The following PRKAR1B variants were observed in gnomAD, a reference collection of about 807,000 sequenced individuals.
The protein encoded by PRKAR1B is cAMP-dependent protein kinase type I-beta regulatory subunit.
Under a neutral mutation model 46.5 loss-of-function variants are expected in PRKAR1B, and 22 were observed. That is an observed-to-expected ratio of 0.47 (90% CI 0.34 to 0.68). PRKAR1B has a LOEUF of 0.68. PRKAR1B is among the 30% of genes least tolerant of loss of function. The pLI, the probability that PRKAR1B is intolerant of heterozygous loss-of-function variation, is 0.01. For synonymous variants in PRKAR1B, 259 were observed against 217.7 expected (o/e 1.19, Z -1.67); for missense variants, 445 against 535.6 (o/e 0.83, Z 1.67).
At chr7:658,345 G>A (rs1323955425) in intron 4 of PRKAR1B, among the ~76,000 whole-genome samples, 3 of 152,252 alleles carry the variant, frequency 2.0e-5, no homozygotes, top group African/African-American at 7.2e-5. Flanking sequence ...TGAGGCAGGA[G>A]GATCACTGGA....
In PRKAR1B at chr7:711,447, A is replaced by G; in HGVS notation, c.59T>C (p.Leu20Pro). ...EEDESLKGCE[L>P]YVQLHGIQQV... Reference sequence around the variant, plus strand: ...CTGGATCCCGTGCAGCTGCACGTACAGCTCACAGCCCTTCAGGCTCTCGTC... The same window carrying G: ...CTGGATCCCGTGCAGCTGCACGTACGGCTCACAGCCCTTCAGGCTCTCGTC... Residue 20 changes from leucine to proline, a missense_variant, in exon 2 of 11, where the codon CTG (leucine) becomes CCG (proline). Leu to Pro is a moderately conservative substitution (Grantham distance 98, BLOSUM62 -3). Around this residue, in one of 5 missense-constraint regions of PRKAR1B, gnomAD observed 155 missense variants for 127.5 expected, o/e 1.22. Coordinates refer to ENST00000537384, the MANE Select transcript of PRKAR1B (RefSeq NM_001164760.2). The G allele has an allele frequency of 6.2e-7, 1 of 1,614,190 alleles. No individual in the cohort carries two copies. Among genetic ancestry groups the G allele is most frequent in the Non-Finnish European group, 8.5e-7 (1 of 1,180,016 alleles).
At chr7:720,236 T>G (rs1277646009) in intron 1 of PRKAR1B, among the ~76,000 whole-genome samples, 3 of 152,084 alleles carry the variant, frequency 2.0e-5, no homozygotes, top group Admixed American at 6.6e-5. Flanking sequence ...TTTTGCATTT[T>G]TAGTAAAGAC....
At chr7:617,804 G>C (rs1782912980) in intron 4 of PRKAR1B, among the ~76,000 whole-genome samples, 1 of 152,190 alleles carries the variant, frequency 6.6e-6, no homozygotes, top group Admixed American at 6.5e-5. Context: ...AGGTCGGACG[G>C]AAAGCAAACC....
chr7:668,416 G>A (rs1166819343), intron 4 of PRKAR1B, among the ~76,000 whole-genome samples: 1 of 152,196 alleles, frequency 6.6e-6, no homozygotes, highest in African/African-American at 2.4e-5. Context: ...CCGGTTTCCT[G>A]AGCCATCAGC....
chr7:712,180 G>A (rs1040433100), intron 1 of PRKAR1B, among the ~76,000 whole-genome samples: 171 of 144,974 alleles, frequency 1.2e-3, no homozygotes, highest in Admixed American at 0.012. Flanking sequence ...CGCCGCCCCC[G>A]GAGTGCCCAG....
intron 4 of PRKAR1B, among the ~76,000 whole-genome samples, chr7:633,127 G>A (rs564627111): frequency 4.9e-4 from 74 of 152,332 alleles, no homozygotes; most frequent in Non-Finnish European, 9.6e-4. Flanking sequence ...AACCCTTCAC[G>A]CTGTCAAAAT....
intron 9 of PRKAR1B, among the ~76,000 whole-genome samples, chr7:576,678 C>G (rs1426451088): frequency 6.6e-6 from 1 of 151,642 alleles, no homozygotes; most frequent in Non-Finnish European, 1.5e-5. Context: ...CTCCCGGCAT[C>G]TCGGATGCCC....
chr7:636,407 ACCGGCCGCGC>A (rs1784097419), intron 4 of PRKAR1B, among the ~76,000 whole-genome samples: 1 of 68,266 alleles, frequency 1.5e-5, no homozygotes. Flanking sequence ...CACGTCCTCC[ACCGGCCGCGC>A]CCACACGTCC....
At chr7:650,423 G>T (rs1210116744) in intron 4 of PRKAR1B, among the ~76,000 whole-genome samples, 1 of 151,954 alleles carries the variant, frequency 6.6e-6, no homozygotes, top group Non-Finnish European at 1.5e-5. Context: ...ACCACGAAAG[G>T]CTCTTTCCAG....
In PRKAR1B at chr7:560,744, G is replaced by A. The variant is rs186045332; in HGVS notation, c.892-9274C>T. Among the ~76,000 whole-genome samples the A allele has an allele frequency of 3.3e-4, 50 of 152,338 alleles. No homozygotes were observed. The highest frequency in any genetic ancestry group is 8.9e-4 in the African/African-American group (37 of 41,572). On this transcript the variant is annotated intron_variant, in intron 9 of 10. Transcript: ENST00000537384. The surrounding 1 kb of genome is among the most constrained non-coding windows in gnomAD (Gnocchi z 4.2). ...ACAACGCCAACCAATGCTACAGAGCGGCGGTGAGGCCAGATTACCCCAGCT... is the reference window on the plus strand; with the variant it reads ...ACAACGCCAACCAATGCTACAGAGCAGCGGTGAGGCCAGATTACCCCAGCT...
intron 9 of PRKAR1B, among the ~76,000 whole-genome samples, chr7:576,368 C>T (rs1025105886): frequency 1.3e-5 from 2 of 152,362 alleles, no homozygotes; most frequent in East Asian, 1.9e-4. Context: ...TCCTTCTCTC[C>T]TTTTAAAGAA....
chr7:632,767 G>A (rs561929853), intron 4 of PRKAR1B, among the ~76,000 whole-genome samples: 12 of 152,298 alleles, frequency 7.9e-5, no homozygotes, highest in Admixed American at 3.9e-4. Context: ...CCAGCCACAC[G>A]TGATACAAGC....
intron 4 of PRKAR1B, among the ~76,000 whole-genome samples, chr7:612,887 C>G (rs1235416035): frequency 6.6e-6 from 1 of 152,132 alleles, no homozygotes. Context: ...TTCACCGAAG[C>G]ACTGTCAGCA....
chr7:685,357 T>C lies in PRKAR1B; in HGVS notation c.178-4631A>G, dbSNP rs1479029964. 8.7e-4 allele frequency among the ~76,000 whole-genome samples: 59 copies of C among 67,990 alleles called. 6 individuals carry two copies. The highest frequency in any genetic ancestry group is 2.3e-3 in the Admixed American group (12 of 5,276). 44.6% of individuals were successfully genotyped at this position (67,990 alleles called of 152,430 possible). On this transcript the variant is annotated intron_variant, in intron 2 of 10. Transcript: ENST00000537384. ...ATATACGTATATATATGTATACATA[T>C]ATATATACACATATATATATATACA... is the stretch of plus-strand genomic sequence containing the variant.
At chr7:589,381 C>A (rs995900230) in intron 7 of PRKAR1B, among the ~76,000 whole-genome samples, 5 of 152,050 alleles carry the variant, frequency 3.3e-5, no homozygotes, top group Admixed American at 3.3e-4. Flanking sequence ...TCAGACACCC[C>A]TGCAAACAGC....
chr7:600,479 C>A (rs538211892), intron 6 of PRKAR1B, among the ~76,000 whole-genome samples: 1 of 152,184 alleles, frequency 6.6e-6, no homozygotes, highest in African/African-American at 2.4e-5. Context: ...GGCGACAGAG[C>A]GAGACCCCAT....
intron 7 of PRKAR1B, among the ~76,000 whole-genome samples, chr7:592,173 C>T (rs890544629): frequency 2.6e-5 from 4 of 152,188 alleles, no homozygotes; most frequent in African/African-American, 7.2e-5. Flanking sequence ...CAGCACATCA[C>T]GGCTGCCTCA....
intron 4 of PRKAR1B, among the ~76,000 whole-genome samples, chr7:628,086 C>T (rs557144621): frequency 2.0e-5 from 3 of 152,180 alleles, no homozygotes; most frequent in Non-Finnish European, 2.9e-5. Flanking sequence ...AAAGACCATG[C>T]GAAAGGGACC....
chr7:677,048 C>T (rs1778365297), intron 4 of PRKAR1B, among the ~76,000 whole-genome samples, 181 bp downstream of exon 4: 1 of 150,488 alleles, frequency 6.6e-6, no homozygotes, highest in African/African-American at 2.4e-5. Context: ...GCAACGGGGC[C>T]TGCCCACCTC....
Sources: allele counts gnomAD v4.1 joint callset (sites outside exome capture counted in the v4.1 genomes callset), GRCh38; gene constraint gnomAD v4.1.1; regional missense constraint gnomAD v4.1.1; non-coding constraint Gnocchi (gnomAD v3.1); transcripts MANE v1.5; gene names NCBI Gene and HGNC (gene_info 2026-07-23, HGNC 2026-07-21).